MCTP1: variants seen among roughly 807,000 people sequenced by gnomAD.
MCTP1 encodes multiple C2 and transmembrane domain-containing protein 1.
In MCTP1, 69 loss-of-function variants were observed where a neutral mutation model predicts 120.6. The observed-to-expected ratio is 0.57, with a 90% CI of 0.47 to 0.70. MCTP1 has a LOEUF of 0.70. Ranked by LOEUF, MCTP1 falls within the 30% of genes least tolerant of loss-of-function variation. The pLI, the probability that MCTP1 is intolerant of heterozygous loss-of-function variation, is 0.00. For missense variants in MCTP1, 1,203 were observed against 1,248.8 expected, an observed-to-expected ratio of 0.96 and a Z score of 0.55; for synonymous variants, 529 against 493.1, an observed-to-expected ratio of 1.07 and a Z score of -0.96.
intron 1 of MCTP1, among the ~76,000 whole-genome samples, chr5:95,168,740 A>G (rs1165216513): frequency 6.6e-6 from 1 of 152,172 alleles, no homozygotes; most frequent in Non-Finnish European, 1.5e-5. Flanking sequence ...ATTTTTGCAC[A>G]TTGATTTTTA....
intron 1 of MCTP1, among the ~76,000 whole-genome samples, chr5:95,118,557 A>T (rs1048063608): frequency 2.6e-5 from 4 of 152,214 alleles, no homozygotes; most frequent in African/African-American, 9.6e-5. Flanking sequence ...ATTGAACATA[A>T]ATGGACAAAA....
intron 7 of MCTP1, among the ~76,000 whole-genome samples, chr5:94,919,779 T>C (rs565132972): frequency 6.6e-6 from 1 of 152,366 alleles, no homozygotes; most frequent in Non-Finnish European, 1.5e-5. Flanking sequence ...CTGAGTTTAT[T>C]CCAGCGAATT....
intron 1 of MCTP1, among the ~76,000 whole-genome samples, chr5:95,138,322 A>G (rs151186413): frequency 6.6e-6 from 1 of 151,414 alleles, no homozygotes; most frequent in East Asian, 2.0e-4. Flanking sequence ...TTTAGATGAG[A>G]AAACAAGGCC....
chr5:94,751,372 T>C (rs989949890), intron 19 of MCTP1, among the ~76,000 whole-genome samples: 6 of 147,146 alleles, frequency 4.1e-5, no homozygotes, highest in Non-Finnish European at 9.0e-5. Flanking sequence ...CCCAGGCATA[T>C]GAGATAGTGT....
chr5:94,790,833 G>A (rs145503533), intron 18 of MCTP1, among the ~76,000 whole-genome samples: 131 of 152,166 alleles, frequency 8.6e-4, no homozygotes, highest in Non-Finnish European at 1.6e-3. Context: ...AAGGCTTAAT[G>A]GGTGGCAAAT....
At chr5:94,857,789 C>A (rs746780302) in intron 17 of MCTP1, among the ~76,000 whole-genome samples, 1 of 151,644 alleles carries the variant, frequency 6.6e-6, no homozygotes, top group Admixed American at 6.6e-5. Flanking sequence ...GCAAACTATA[C>A]CTCACATAAT....
intron 19 of MCTP1, among the ~76,000 whole-genome samples, chr5:94,749,224 C>T (rs978114705): frequency 3.9e-5 from 6 of 152,172 alleles, no homozygotes; most frequent in African/African-American, 1.4e-4. Flanking sequence ...TTTGCACAGA[C>T]AGATGTACCC....
chr5:95,054,043 C>A (rs948976677), intron 1 of MCTP1, among the ~76,000 whole-genome samples: 2 of 152,200 alleles, frequency 1.3e-5, no homozygotes, highest in Non-Finnish European at 2.9e-5. Flanking sequence ...GTTATTCACA[C>A]AATTCTTCTT....
chr5:95,145,436 T>C (rs1760302523), intron 1 of MCTP1, among the ~76,000 whole-genome samples: 1 of 152,176 alleles, frequency 6.6e-6, no homozygotes, highest in Admixed American at 6.5e-5. Context: ...CTATGTTGAA[T>C]AGGAGTGGTG....
chr5:94,753,466 T>C lies in MCTP1; in HGVS notation c.2610+25644A>G, dbSNP rs932023896. ...TTATTCATTGGATGCAAAAAATTCATCGTGTAAAGGTTGTTTTAGAAGTGC... is the reference window on the plus strand; with the variant it reads ...TTATTCATTGGATGCAAAAAATTCACCGTGTAAAGGTTGTTTTAGAAGTGC... On this transcript the variant is annotated intron_variant, in intron 19 of 22. Coordinates refer to ENST00000515393, the MANE Select transcript of MCTP1 (RefSeq NM_024717.7). Among the ~76,000 whole-genome samples the C allele has an allele frequency of 4.6e-5, 7 of 152,308 alleles. No homozygotes were observed. The East Asian group carries it at 1.2e-3, about 25-fold the overall frequency.
At chr5:95,146,967 T>C (rs1051284133) in intron 1 of MCTP1, among the ~76,000 whole-genome samples, 1 of 152,212 alleles carries the variant, frequency 6.6e-6, no homozygotes, top group Non-Finnish European at 1.5e-5. Context: ...ATGCTATCAG[T>C]GGGGTGTTCA....
intron 1 of MCTP1, among the ~76,000 whole-genome samples, chr5:95,019,812 G>A (rs990200473): frequency 2.0e-5 from 3 of 151,992 alleles, no homozygotes; most frequent in African/African-American, 7.2e-5. Flanking sequence ...AAGGACAAGA[G>A]CGTGACAGCT....
At chr5:95,194,017 C>G (rs1458790839) in intron 1 of MCTP1, among the ~76,000 whole-genome samples, 2 of 151,950 alleles carry the variant, frequency 1.3e-5, no homozygotes, top group Non-Finnish European at 2.9e-5. Context: ...TTAAGACCAG[C>G]CTGGGCAACA....
At chr5:94,771,919 G>A (rs1774171746) in intron 19 of MCTP1, among the ~76,000 whole-genome samples, 1 of 152,182 alleles carries the variant, frequency 6.6e-6, no homozygotes, top group Non-Finnish European at 1.5e-5. Flanking sequence ...TGCATTTCTT[G>A]TTTGAGGCTC....
intron 1 of MCTP1, among the ~76,000 whole-genome samples, chr5:95,085,552 A>T (rs964895325): frequency 1.3e-5 from 2 of 152,024 alleles, no homozygotes; most frequent in Admixed American, 1.3e-4. Flanking sequence ...TATTGCTATT[A>T]TCAAACTATT....
intron 3 of MCTP1, among the ~76,000 whole-genome samples, chr5:94,943,193 G>A (rs1818143057): frequency 1.3e-5 from 2 of 152,054 alleles, no homozygotes; most frequent in Admixed American, 1.3e-4. Context: ...TGTCTAAGAG[G>A]TGTGTGGGGA....
chr5:95,007,705 A>T (rs940906347), intron 2 of MCTP1, among the ~76,000 whole-genome samples: 1 of 152,204 alleles, frequency 6.6e-6, no homozygotes, highest in African/African-American at 2.4e-5. Context: ...GAAGTTCTCA[A>T]TTAGTGAGAC....
chr5:95,178,486 CACAG>C (rs1479797025), intron 1 of MCTP1, among the ~76,000 whole-genome samples: 2 of 152,208 alleles, frequency 1.3e-5, no homozygotes, highest in African/African-American at 4.8e-5. Context: ...CAAGGACCCA[CACAG>C]AGTCTATTTC....
chr5:95,044,734 T>A (rs145813518), intron 1 of MCTP1, among the ~76,000 whole-genome samples: 4 of 151,890 alleles, frequency 2.6e-5, no homozygotes, highest in African/African-American at 9.7e-5. Context: ...AACCTTCTCA[T>A]GAGACCCATC....
Sources: allele counts gnomAD v4.1 joint callset (sites outside exome capture counted in the v4.1 genomes callset), GRCh38; gene constraint gnomAD v4.1.1; transcripts MANE v1.5; gene names NCBI Gene and HGNC (gene_info 2026-07-23, HGNC 2026-07-21).